Variants in NPAS3 observed in about 807,000 individuals in gnomAD.
NPAS3 encodes the protein neuronal PAS domain protein 3, also known as neuronal PAS domain-containing protein 3.
In NPAS3, 14 loss-of-function variants were observed where a neutral mutation model predicts 73.1. The observed-to-expected ratio is 0.19, with a 90% CI of 0.13 to 0.30. The LOEUF (loss-of-function observed/expected upper bound fraction) is 0.30, where lower values mean the gene tolerates loss of function less well. Ranked by LOEUF, NPAS3 falls within the 10% of genes least tolerant of loss-of-function variation. The pLI, the probability that NPAS3 is intolerant of heterozygous loss-of-function variation, is 1.00. For missense variants in NPAS3, 1,096 were observed against 1,250.0 expected, an observed-to-expected ratio of 0.88 and a Z score of 1.86; for synonymous variants, 620 against 541.5, an observed-to-expected ratio of 1.14 and a Z score of -2.01.
intron 3 of NPAS3, among the ~76,000 whole-genome samples, chr14:33,304,550 A>G (rs1415529665): frequency 2.6e-5 from 4 of 151,894 alleles, no homozygotes; most frequent in Non-Finnish European, 5.9e-5. Flanking sequence ...TTCTAAACAT[A>G]AGAAATTTGG....
At chr14:33,244,121 T>C (rs796740453) in intron 3 of NPAS3, among the ~76,000 whole-genome samples, 1 of 151,642 alleles carries the variant, frequency 6.6e-6, no homozygotes, top group Non-Finnish European at 1.5e-5. Flanking sequence ...TTCAATTTTA[T>C]TGATATCTAC....
chr14:33,547,566 C>T (rs2054906751), intron 4 of NPAS3, among the ~76,000 whole-genome samples: 1 of 152,134 alleles, frequency 6.6e-6, no homozygotes, highest in Non-Finnish European at 1.5e-5. Context: ...ACGGTCCACG[C>T]TCTCCCTGCA....
intron 5 of NPAS3, among the ~76,000 whole-genome samples, chr14:33,594,639 C>A (rs1030350352): frequency 2.8e-4 from 42 of 152,286 alleles, no homozygotes; most frequent in African/African-American, 8.9e-4. Context: ...GGAAGAAGCA[C>A]TGATGCTCTT....
intron 3 of NPAS3, among the ~76,000 whole-genome samples, chr14:33,362,960 G>A (rs1310031398): frequency 6.6e-6 from 1 of 152,136 alleles, no homozygotes; most frequent in Non-Finnish European, 1.5e-5. Flanking sequence ...CTCTCTGCCT[G>A]TGGTCCACCT....
At chr14:33,158,523 G>A (rs1566621342) in intron 2 of NPAS3, among the ~76,000 whole-genome samples, 2 of 152,128 alleles carry the variant, frequency 1.3e-5, no homozygotes, top group Non-Finnish European at 2.9e-5. Flanking sequence ...AAGAACTAAA[G>A]GTGGCAGAAG....
intron 1 of NPAS3, among the ~76,000 whole-genome samples, chr14:33,020,945 A>G (rs1342718184): frequency 6.6e-6 from 1 of 151,966 alleles, no homozygotes; most frequent in Non-Finnish European, 1.5e-5. Flanking sequence ...TATTTTTAGT[A>G]GAGATGGGGC....
At chr14:33,434,782 TTAAA>T (rs1362528775) in intron 4 of NPAS3, among the ~76,000 whole-genome samples, 6 of 152,150 alleles carry the variant, frequency 3.9e-5, no homozygotes, top group African/African-American at 9.7e-5. Flanking sequence ...TAAATTTTGT[TTAAA>T]TAAATAAAAA....
chr14:33,428,343 A>G (rs77588111), intron 4 of NPAS3, among the ~76,000 whole-genome samples: 15,073 of 152,110 alleles, frequency 0.099, 841 homozygotes, highest in African/African-American at 0.12. Flanking sequence ...AATATATACA[A>G]AATACTTAGC....
At chr14:33,774,634 A>G in intron 8 of NPAS3, 104 bp downstream of exon 8, 2 of 907,278 alleles carry the variant, frequency 2.2e-6, no homozygotes, top group Non-Finnish European at 3.4e-6. Context: ...GGTTCATTCT[A>G]AATCCTGATC....
Position 33,108,448 on chromosome 14 carries a change from T to C in NPAS3, c.140+52454T>C, listed in dbSNP as rs546727740. Among the ~76,000 whole-genome samples the C allele has an allele frequency of 2.6e-5, 4 of 152,208 alleles. No homozygotes were observed. In the South Asian group the frequency reaches 8.3e-4, roughly 32 times the overall value. On this transcript the variant is annotated intron_variant, in intron 2 of 11. Coordinates refer to ENST00000356141, the Ensembl canonical transcript of NPAS3. ...ACCTCATGATCCGTCTACCTCGGCC[T>C]CCCAAAGTGCTGGGATTACTGGCAA... is the stretch of plus-strand genomic sequence containing the variant.
intron 2 of NPAS3, among the ~76,000 whole-genome samples, chr14:33,067,819 G>T (rs895602608): frequency 2.0e-5 from 3 of 152,186 alleles, no homozygotes; most frequent in Non-Finnish European, 4.4e-5. Context: ...GTCTTCCCCA[G>T]AAAGATCCTC....
At chr14:33,011,086 A>G (rs1358647958) in intron 1 of NPAS3, among the ~76,000 whole-genome samples, 1 of 152,194 alleles carries the variant, frequency 6.6e-6, no homozygotes, top group Non-Finnish European at 1.5e-5. Context: ...CGAGGAATAG[A>G]TGTTTGCAAA....
intron 2 of NPAS3, among the ~76,000 whole-genome samples, chr14:33,095,674 T>TA (rs1244890291): frequency 4.3e-5 from 6 of 138,422 alleles, no homozygotes; most frequent in South Asian, 4.6e-4. Context: ...TTTTTTATTT[T>TA]TTTTTTTTTT....
chr14:33,429,607 T>C (rs1042724433), intron 4 of NPAS3, among the ~76,000 whole-genome samples: 2 of 152,158 alleles, frequency 1.3e-5, no homozygotes, highest in African/African-American at 4.8e-5. Context: ...GAGTGAGTAA[T>C]GTCATCCTTA....
intron 4 of NPAS3, among the ~76,000 whole-genome samples, chr14:33,486,182 A>G (rs2051585971): frequency 6.6e-6 from 1 of 151,690 alleles, no homozygotes. Flanking sequence ...TCATGTATGG[A>G]CTGGCTGCTG....
intron 2 of NPAS3, among the ~76,000 whole-genome samples, chr14:33,096,802 T>C (rs1267122170): frequency 3.3e-5 from 5 of 152,228 alleles, no homozygotes; most frequent in African/African-American, 4.8e-5. Context: ...TTCATGACTA[T>C]GGAAATCTCC....
intron 1 of NPAS3, among the ~76,000 whole-genome samples, chr14:33,049,240 T>C (rs1489404632): frequency 6.6e-6 from 1 of 152,244 alleles, no homozygotes; most frequent in Non-Finnish European, 1.5e-5. Flanking sequence ...CCAGATACTG[T>C]GGTAAGTGTT....
chr14:33,606,095 T>C (rs1320160748), intron 5 of NPAS3, among the ~76,000 whole-genome samples: 1 of 151,100 alleles, frequency 6.6e-6, no homozygotes, highest in Non-Finnish European at 1.5e-5. Flanking sequence ...TATTATTATT[T>C]AAGTTTTAGG....
intron 4 of NPAS3, among the ~76,000 whole-genome samples, chr14:33,424,212 C>T (rs1008682990): frequency 6.6e-6 from 1 of 151,884 alleles, no homozygotes; most frequent in Non-Finnish European, 1.5e-5. Context: ...TGACTAGGAG[C>T]CCAAGAAGGC....
Sources: allele counts gnomAD v4.1 joint callset (sites outside exome capture counted in the v4.1 genomes callset), GRCh38; gene constraint gnomAD v4.1.1; transcripts MANE v1.5; gene names NCBI Gene and HGNC (gene_info 2026-07-23, HGNC 2026-07-21).